Variants in MCC observed in about 807,000 individuals in gnomAD.
MCC encodes colorectal mutant cancer protein.
MCC carries 90 observed loss-of-function variants against 116.2 expected under a neutral mutation model. The ratio of observed to expected loss-of-function variants is 0.77; its 90% CI spans 0.65 to 0.92. MCC has a LOEUF of 0.92. Ranked by LOEUF, MCC falls within the 40% of genes least tolerant of loss-of-function variation. The pLI is 0.00. For synonymous variants in MCC, 578 were observed against 510.5 expected, an observed-to-expected ratio of 1.13 and a Z score of -1.78; for missense variants, 1,516 against 1,312.2, an observed-to-expected ratio of 1.16 and a Z score of -2.40.
rs1751016210 is a variant in MCC, at chr5:113,032,390, A to G, written c.2757-3334T>C. ...GCCACTGCGCTCCAACCTGGGAAAC[A>G]AGAATGAAACTCTGTATCAAAAAAA... On this transcript the variant is annotated intron_variant, in intron 17 of 18. Coordinates refer to ENST00000408903, the MANE Select transcript of MCC (RefSeq NM_001085377.2). Among the ~76,000 whole-genome samples the G allele has an allele frequency of 5.9e-5, 9 of 151,734 alleles. No homozygotes were observed. In the South Asian group the frequency reaches 1.9e-3, roughly 32 times the overall value.
intron 1 of MCC, among the ~76,000 whole-genome samples, chr5:113,414,459 G>T (rs1561559163): frequency 6.6e-6 from 1 of 152,180 alleles, no homozygotes; most frequent in African/African-American, 2.4e-5. Flanking sequence ...TTCCTGTATT[G>T]AGTGCATATA....
intron 1 of MCC, among the ~76,000 whole-genome samples, chr5:113,402,765 T>C (rs1160104152): frequency 1.3e-5 from 2 of 152,140 alleles, no homozygotes; most frequent in African/African-American, 4.8e-5. Context: ...TAATGCAGCA[T>C]AGGCAGCAGC....
chr5:113,106,120 C>G (rs763874971), intron 6 of MCC, among the ~76,000 whole-genome samples: 22 of 150,882 alleles, frequency 1.5e-4, no homozygotes, highest in Non-Finnish European at 2.8e-4. Flanking sequence ...TTCACTATGC[C>G]CCATTCACAC....
chr5:113,179,708 T>C (rs4705801), intron 3 of MCC, among the ~76,000 whole-genome samples: 81,024 of 152,110 alleles, frequency 0.53, 26,304 homozygotes, highest in East Asian at 0.72. Context: ...GATTTTGCTG[T>C]AAAATGCAAC....
At chr5:113,487,858 C>T (rs570056158) in intron 1 of MCC, among the ~76,000 whole-genome samples, 2 of 152,300 alleles carry the variant, frequency 1.3e-5, no homozygotes, top group South Asian at 4.1e-4. Flanking sequence ...GATCGCTGCC[C>T]CGTGCTGCGG....
chr5:113,471,120 T>C (rs1260470851), intron 1 of MCC, among the ~76,000 whole-genome samples: 3 of 97,826 alleles, frequency 3.1e-5, no homozygotes, highest in African/African-American at 4.5e-5. Context: ...TTGCCATTGG[T>C]TCGAATTTCC....
intron 11 of MCC, among the ~76,000 whole-genome samples, chr5:113,082,643 G>T (rs1163964864): frequency 1.3e-5 from 2 of 152,188 alleles, no homozygotes; most frequent in Non-Finnish European, 2.9e-5. Context: ...TAAGCATAAG[G>T]CCCATGTGAA....
intron 3 of MCC, among the ~76,000 whole-genome samples, chr5:113,235,352 T>G (rs1764089756): frequency 6.6e-6 from 1 of 152,240 alleles, no homozygotes; most frequent in Admixed American, 6.5e-5. Flanking sequence ...CAAACACACA[T>G]ACATTCCATA....
At chr5:113,074,103 G>C (rs1754245766) in intron 11 of MCC, among the ~76,000 whole-genome samples, 2 of 152,244 alleles carry the variant, frequency 1.3e-5, no homozygotes, top group East Asian at 3.8e-4. Flanking sequence ...CCTGACCCCT[G>C]AGTAGCCTAA....
At chr5:113,054,237 A>G (rs1752668126) in intron 14 of MCC, among the ~76,000 whole-genome samples, 1 of 152,254 alleles carries the variant, frequency 6.6e-6, no homozygotes, top group Non-Finnish European at 1.5e-5. Context: ...AAAGATACAC[A>G]TACAAAGGAA....
chr5:113,110,705 T>G (rs949597784), intron 6 of MCC, among the ~76,000 whole-genome samples: 1 of 152,248 alleles, frequency 6.6e-6, no homozygotes, highest in Admixed American at 6.5e-5. Context: ...CTGGATGGAA[T>G]GGACCTCTCC....
intron 16 of MCC, 115 bp from the exon 17 acceptor site, chr5:113,043,745 G>A (rs139329364): frequency 1.9e-4 from 131 of 672,436 alleles, no homozygotes; most frequent in Middle Eastern, 1.1e-3. Flanking sequence ...TGTGGGCACC[G>A]GGTGGCGCCC....
intron 2 of MCC, among the ~76,000 whole-genome samples, chr5:113,352,386 A>G (rs1768292642): frequency 1.3e-5 from 2 of 152,172 alleles, no homozygotes; most frequent in South Asian, 4.2e-4. Flanking sequence ...GCTCCAGGCA[A>G]AAATAAATAA....
At chr5:113,420,746 C>T (rs533733391) in intron 1 of MCC, among the ~76,000 whole-genome samples, 118 of 152,258 alleles carry the variant, frequency 7.7e-4, no homozygotes, top group African/African-American at 2.7e-3. Context: ...AGCCTATTAA[C>T]CCAGTTTTTT....
chr5:113,187,123 C>T (rs1052428453), intron 3 of MCC, among the ~76,000 whole-genome samples: 5 of 152,150 alleles, frequency 3.3e-5, no homozygotes, highest in African/African-American at 1.2e-4. Context: ...ACTTTCACCT[C>T]CTATAGTTTA....
At chr5:113,057,820 C>T (rs4361505) in intron 14 of MCC, among the ~76,000 whole-genome samples, 12,371 of 152,264 alleles carry the variant, frequency 0.081, 724 homozygotes, top group African/African-American at 0.16. Flanking sequence ...GGCGAACGCG[C>T]GACAAAATTA....
chr5:113,357,927 C>G (rs1352124748), intron 2 of MCC, among the ~76,000 whole-genome samples: 1 of 152,170 alleles, frequency 6.6e-6, no homozygotes, highest in Non-Finnish European at 1.5e-5. Flanking sequence ...GCCCACTGGC[C>G]TTCTTCCAAG....
At chr5:113,343,672 A>G (rs1561531741) in intron 2 of MCC, among the ~76,000 whole-genome samples, 1 of 152,260 alleles carries the variant, frequency 6.6e-6, no homozygotes, top group East Asian at 1.9e-4. Context: ...GGCCTGTGAC[A>G]TAGATAGCAT....
Position 113,223,090 on chromosome 5 carries a change from C to T in MCC, c.628-71668G>A, listed in dbSNP as rs115206939. Among the ~76,000 whole-genome samples, 609 of 152,218 alleles carry T rather than the reference C, an allele frequency of 4.0e-3. 4 individuals are homozygous for T. Among genetic ancestry groups the T allele is most frequent in the African/African-American group, 0.014 (575 of 41,518 alleles). ...GACTTCATTGACAGGGACGGTGACACACGTATAAAAATGGGACGCAAACGA... is the reference window on the plus strand; with the variant it reads ...GACTTCATTGACAGGGACGGTGACATACGTATAAAAATGGGACGCAAACGA... On this transcript the variant is annotated intron_variant, in intron 3 of 18. Transcript: ENST00000408903.
Sources: allele counts gnomAD v4.1 joint callset (sites outside exome capture counted in the v4.1 genomes callset), GRCh38; gene constraint gnomAD v4.1.1; transcripts MANE v1.5; gene names NCBI Gene and HGNC (gene_info 2026-07-23, HGNC 2026-07-21).